Variants in CHRM3 observed in about 807,000 individuals in gnomAD.
CHRM3 encodes cholinergic receptor muscarinic 3.
Under a neutral mutation model 41.8 loss-of-function variants are expected in CHRM3, and 11 were observed. The ratio of observed to expected loss-of-function variants is 0.26; its 90% confidence interval spans 0.17 to 0.44. The LOEUF (loss-of-function observed/expected upper bound fraction) is 0.44. CHRM3 is among the 20% of genes least tolerant of loss of function. CHRM3 has a pLI of 1.00. For synonymous variants in CHRM3, 297 were observed against 301.4 expected (o/e 0.99, Z 0.15); for missense variants, 571 against 745.4 (o/e 0.77, Z 2.72).
At chr1:239,500,086 T>C (rs1257550195) in intron 2 of CHRM3, among the ~76,000 whole-genome samples, 2 of 150,558 alleles carry the variant, frequency 1.3e-5, no homozygotes, top group Non-Finnish European at 3.0e-5. Context: ...TATTTTGAGA[T>C]ACATCCCATC....
intron 5 of CHRM3, among the ~76,000 whole-genome samples, chr1:239,774,204 G>C (rs1209460487): frequency 1.3e-5 from 2 of 152,176 alleles, no homozygotes; most frequent in Non-Finnish European, 2.9e-5. Context: ...GATTGAACTT[G>C]CTTGATTCAT....
intron 6 of CHRM3, among the ~76,000 whole-genome samples, chr1:239,873,049 T>C (rs1230485431): frequency 6.6e-6 from 1 of 152,170 alleles, no homozygotes; most frequent in Non-Finnish European, 1.5e-5. Context: ...AGCACAGCTA[T>C]TCATGGGATC....
chr1:239,533,737 AAAAAAAAAAAAAAC>A (rs1018556804), intron 2 of CHRM3, among the ~76,000 whole-genome samples: 11 of 146,218 alleles, frequency 7.5e-5, no homozygotes, highest in African/African-American at 1.3e-4. Context: ...GTCTCAAAAA[AAAAAAAAAAAAAAC>A]AAAAAAACCC....
intron 5 of CHRM3, chr1:239,720,030 A>G (rs989440033): frequency 1.1e-4 from 16 of 151,970 alleles, no homozygotes; most frequent in African/African-American, 3.1e-4. Flanking sequence ...TAAGCACTGA[A>G]CTAGGAACTG....
intron 1 of CHRM3, among the ~76,000 whole-genome samples, chr1:239,491,764 T>G (rs1667570653): frequency 6.6e-6 from 1 of 152,334 alleles, no homozygotes; most frequent in East Asian, 1.9e-4. Flanking sequence ...AACTCCATGC[T>G]GTTTTTTGCA....
At chr1:239,772,911 C>T (rs1292948761) in intron 5 of CHRM3, among the ~76,000 whole-genome samples, 1 of 152,142 alleles carries the variant, frequency 6.6e-6, no homozygotes, top group Non-Finnish European at 1.5e-5. Flanking sequence ...TTTTTCATCT[C>T]CACTGTCAGA....
chr1:239,645,623 A>G (rs557734729), intron 4 of CHRM3, among the ~76,000 whole-genome samples: 1 of 152,336 alleles, frequency 6.6e-6, no homozygotes, highest in East Asian at 1.9e-4. Context: ...CACAAAACAA[A>G]CACAACGCAG....
chr1:239,396,553 G>T (rs987913984), intron 1 of CHRM3, among the ~76,000 whole-genome samples: 2 of 152,136 alleles, frequency 1.3e-5, no homozygotes, highest in African/African-American at 4.8e-5. Flanking sequence ...GTTCAAAGCT[G>T]CAGTGAGCTG....
chr1:239,667,923 C>G (rs7514567), intron 4 of CHRM3, among the ~76,000 whole-genome samples: 3,446 of 152,186 alleles, frequency 0.023, 143 homozygotes, highest in African/African-American at 0.079. Context: ...TCTCCTACAA[C>G]TTAAAAGCAA....
At chr1:239,617,231 C>A (rs1667729987) in intron 3 of CHRM3, among the ~76,000 whole-genome samples, 1 of 152,192 alleles carries the variant, frequency 6.6e-6, no homozygotes, top group Non-Finnish European at 1.5e-5. Flanking sequence ...TAACCCAGAA[C>A]TTTCCAAATT....
chr1:239,744,206 T>A (rs1424272555), intron 5 of CHRM3, among the ~76,000 whole-genome samples: 5 of 152,102 alleles, frequency 3.3e-5, no homozygotes, highest in Non-Finnish European at 7.4e-5. Flanking sequence ...TATTTTAGTT[T>A]CTTAGGCCCT....
chr1:239,798,279 T>C (rs1207934878), intron 5 of CHRM3, among the ~76,000 whole-genome samples: 3 of 152,176 alleles, frequency 2.0e-5, no homozygotes, highest in African/African-American at 7.2e-5. Flanking sequence ...CAGTGAACAG[T>C]AGGCTATTCA....
At chr1:239,586,758 T>C (rs1387266801) in intron 3 of CHRM3, among the ~76,000 whole-genome samples, 1 of 152,204 alleles carries the variant, frequency 6.6e-6, no homozygotes, top group Non-Finnish European at 1.5e-5. Flanking sequence ...CAGTGAGTTA[T>C]AATTATTTCC....
At chr1:239,538,572 A>C (rs1239143389) in intron 2 of CHRM3, among the ~76,000 whole-genome samples, 1 of 152,208 alleles carries the variant, frequency 6.6e-6, no homozygotes, top group Admixed American at 6.5e-5. Flanking sequence ...TAAATTATAT[A>C]TTTTAAAAAT....
intron 3 of CHRM3, among the ~76,000 whole-genome samples, chr1:239,586,160 C>T (rs1164100139): frequency 6.6e-6 from 1 of 152,154 alleles, no homozygotes; most frequent in Non-Finnish European, 1.5e-5. Context: ...ATGTGCCAAA[C>T]ATGTTTAGAT....
At chr1:239,603,794 A>C (rs2148705310) in intron 3 of CHRM3, among the ~76,000 whole-genome samples, 1 of 152,244 alleles carries the variant, frequency 6.6e-6, no homozygotes, top group Non-Finnish European at 1.5e-5. Context: ...AGGTATGATA[A>C]GTTTTACAAT....
At position 239,843,807 on chromosome 1, in the gene CHRM3, T is replaced by C. The variant is rs545241239; in HGVS notation, c.-20+16429T>C. Among the ~76,000 whole-genome samples, 40 of 152,194 alleles carry C rather than the reference T, an allele frequency of 2.6e-4. 1 individual carries two copies. The highest frequency in any genetic ancestry group is 8.9e-4 in the African/African-American group (37 of 41,532). On this transcript the variant is annotated intron_variant, in intron 6 of 6. Coordinates refer to ENST00000676153, the MANE Select transcript of CHRM3 (RefSeq NM_001375978.1). ...TCTCTTTCAATAGATCCTGGACAGG[T>C]AATTTCTATTTAGAGGAGATTGTTT...
At chr1:239,532,030 T>TTTTTG (rs1657635096) in intron 2 of CHRM3, among the ~76,000 whole-genome samples, 2 of 108,450 alleles carry the variant, frequency 1.8e-5, no homozygotes, top group Non-Finnish European at 4.0e-5. Flanking sequence ...TTTTTTTTTT[T>TTTTTG]GAGACGGAGT....
At chr1:239,646,671 GT>G (rs1262711877) in intron 4 of CHRM3, among the ~76,000 whole-genome samples, 3 of 152,156 alleles carry the variant, frequency 2.0e-5, no homozygotes, top group Non-Finnish European at 2.9e-5. Context: ...TTGAATGCAA[GT>G]GATAGCTTCA....
Sources: allele counts gnomAD v4.1 joint callset (sites outside exome capture counted in the v4.1 genomes callset), GRCh38; gene constraint gnomAD v4.1.1; transcripts MANE v1.5; gene names NCBI Gene and HGNC (gene_info 2026-07-23, HGNC 2026-07-21).